Variants in PAK3 observed in about 807,000 individuals in gnomAD.
PAK3 encodes the protein p21 (RAC1) activated kinase 3.
A neutral mutation model predicts 41.0 loss-of-function variants in PAK3; 4 were observed. The observed-to-expected ratio is 0.10, with a 90% confidence interval of 0.05 to 0.22. The LOEUF (loss-of-function observed/expected upper bound fraction) is 0.22, where lower values mean the gene tolerates loss of function less well. PAK3 is among the 10% of genes least tolerant of loss of function. The probability of loss-of-function intolerance (pLI) is 1.00; values close to 1 mark genes in which losing one functional copy is unlikely to be tolerated. For missense variants in PAK3, 205 were observed against 409.9 expected (o/e 0.50, Z 4.32); for synonymous variants, 146 against 139.6 (o/e 1.05, Z -0.32).
chrX:110,984,989 C>T lies in PAK3; in HGVS notation c.-28+40361C>T, dbSNP rs1054203999. Among the ~76,000 whole-genome samples, 5 of 111,041 alleles carry T rather than the reference C, an allele frequency of 4.5e-5. No individual in the cohort carries two copies. In the East Asian group the frequency reaches 8.5e-4, roughly 19 times the overall value. The stretch of plus-strand genomic sequence containing the variant: ...ACTAAAAATACAAAAATTAGCCAGG[C>T]GTGTTGGTGCACACCTGTAGTCCCA... On this transcript the variant is annotated intron_variant, in intron 1 of 14. Transcript: ENST00000425146.
intron 1 of PAK3, among the ~76,000 whole-genome samples, chrX:111,039,628 A>G (rs1280138040): frequency 1.8e-5 from 2 of 111,669 alleles, no homozygotes; most frequent in Non-Finnish European, 3.8e-5. Context: ...CTAATGCTTT[A>G]ATAGACCATG....
intron 1 of PAK3, among the ~76,000 whole-genome samples, chrX:111,077,084 T>C (rs1241853657): frequency 1.8e-5 from 2 of 111,395 alleles, no homozygotes; most frequent in Non-Finnish European, 3.8e-5. Context: ...AGATATACTA[T>C]TTAGGAATAA....
intron 5 of PAK3, among the ~76,000 whole-genome samples, chrX:111,130,970 C>T (rs2093708487): frequency 8.9e-6 from 1 of 111,757 alleles, no homozygotes; most frequent in Admixed American, 9.5e-5. Flanking sequence ...AATAACAAAG[C>T]AAGGCAGACC....
chrX:111,220,773 C>G lies in PAK3; in HGVS notation c.*326C>G, dbSNP rs896308693. ...GGTTTCTCAAAGATGCACACTCCCTCTTCATAGTGTTGTGTTTGTTTTTAA... is the reference window on the plus strand; with the variant it reads ...GGTTTCTCAAAGATGCACACTCCCTGTTCATAGTGTTGTGTTTGTTTTTAA... On this transcript the variant is annotated 3_prime_UTR_variant, in exon 18 of 18. Transcript: ENST00000372007. 3 of 253,137 alleles carry G rather than the reference C, an allele frequency of 1.2e-5. No individual in the cohort carries two copies. The highest frequency in any genetic ancestry group is 5.8e-5 in the Admixed American group (1 of 17,248). The allele number at this position is 253,137 out of a possible 1,213,427, so 20.9% of individuals were successfully genotyped here.
intron 7 of PAK3, among the ~76,000 whole-genome samples, chrX:111,151,344 C>T (rs1186570174): frequency 8.9e-6 from 1 of 112,467 alleles, no homozygotes; most frequent in African/African-American, 3.2e-5. Context: ...CCAAATTTCT[C>T]TCAACTTACA....
chrX:110,977,568 A>C (rs768408658), intron 1 of PAK3, among the ~76,000 whole-genome samples: 4 of 110,282 alleles, frequency 3.6e-5, no homozygotes, highest in Non-Finnish European at 7.6e-5. Context: ...GGTTTTCTTT[A>C]ATTTCTTTCA....
intron 5 of PAK3, among the ~76,000 whole-genome samples, chrX:111,137,239 C>T (rs1450585602): frequency 9.0e-6 from 1 of 111,533 alleles, no homozygotes; most frequent in Non-Finnish European, 1.9e-5. Context: ...GAAAGTCTGC[C>T]TTCTCCATTC....
At chrX:110,969,094 ATTTTTTTTTTTT>A (rs60724970) in intron 1 of PAK3, among the ~76,000 whole-genome samples, 5 of 40,618 alleles carry the variant, frequency 1.2e-4, no homozygotes, top group East Asian at 1.1e-3. Flanking sequence ...GACCTGCCTA[ATTTTTTTTTTTT>A]TTTTTTTTTT....
intron 4 of PAK3, among the ~76,000 whole-genome samples, chrX:111,118,697 G>T (rs1333304745): frequency 9.0e-6 from 1 of 110,677 alleles, no homozygotes; most frequent in East Asian, 2.8e-4. Context: ...TAAAAGGATG[G>T]CAGTGTTAAT....
At chrX:111,152,220 T>G (rs1268706406) in intron 7 of PAK3, among the ~76,000 whole-genome samples, 190 bp from the exon 8 acceptor site, 1 of 112,027 alleles carries the variant, frequency 8.9e-6, no homozygotes, top group Non-Finnish European at 1.9e-5. Context: ...GAGAATATGG[T>G]GAGGATGTAA....
intron 16 of PAK3, among the ~76,000 whole-genome samples, chrX:111,212,407 A>G (rs1328251862): frequency 9.0e-6 from 1 of 111,217 alleles, no homozygotes; most frequent in East Asian, 2.8e-4. Flanking sequence ...TTTTTTTACT[A>G]AGAGAGTCCC....
chrX:111,001,055 G>A (rs1227656626), intron 1 of PAK3, among the ~76,000 whole-genome samples: 1 of 111,785 alleles, frequency 8.9e-6, no homozygotes, highest in Non-Finnish European at 1.9e-5. Context: ...ACACCAGTAC[G>A]AGGGAAATGC....
chrX:111,220,031 A>G (rs2094914595), intron 17 of PAK3, among the ~76,000 whole-genome samples: 1 of 111,777 alleles, frequency 8.9e-6, no homozygotes, highest in Admixed American at 9.5e-5. Context: ...CTAGTGGTTA[A>G]CTAAATATAC....
intron 5 of PAK3, among the ~76,000 whole-genome samples, chrX:111,128,382 T>C (rs2093675949): frequency 8.9e-6 from 1 of 112,014 alleles, no homozygotes; most frequent in Non-Finnish European, 1.9e-5. Flanking sequence ...TCAAGACAAA[T>C]AGGAAGTTTC....
chrX:111,108,623 G>A, intron 4 of PAK3, among the ~76,000 whole-genome samples: 1 of 112,609 alleles, frequency 8.9e-6, no homozygotes, highest in South Asian at 3.7e-4. Context: ...GATGATCTGA[G>A]ATGGAACAGT....
At chrX:111,000,397 A>G (rs1297049445) in intron 1 of PAK3, among the ~76,000 whole-genome samples, 1 of 112,335 alleles carries the variant, frequency 8.9e-6, no homozygotes, top group Non-Finnish European at 1.9e-5. Context: ...GTAAGAAAAA[A>G]GCAGACAACA....
At chrX:110,994,361 G>A (rs2091703983) in intron 1 of PAK3, among the ~76,000 whole-genome samples, 1 of 111,643 alleles carries the variant, frequency 9.0e-6, no homozygotes, top group Admixed American at 9.5e-5. Context: ...TGTGTTTAAG[G>A]CTTTTTGAGC....
intron 4 of PAK3, among the ~76,000 whole-genome samples, chrX:111,110,649 G>T (rs1334031880): frequency 9.0e-6 from 1 of 110,902 alleles, no homozygotes; most frequent in African/African-American, 3.3e-5. Flanking sequence ...TCACCACCAA[G>T]AGGAAAATCT....
intron 1 of PAK3, among the ~76,000 whole-genome samples, chrX:111,025,664 C>CA (rs1250870422): frequency 2.7e-5 from 3 of 110,370 alleles, no homozygotes; most frequent in Non-Finnish European, 5.7e-5. Flanking sequence ...TTGCCAACAA[C>CA]AAAAAATGTC....
Sources: gnomAD v4.1 joint callset for allele counts (sites outside exome capture counted in the v4.1 genomes callset) on GRCh38, gnomAD v4.1.1 for gene constraint, MANE v1.5 for transcripts, NCBI Gene and HGNC (gene_info 2026-07-23, HGNC 2026-07-21) for gene names.